BLTP2: variants seen among roughly 807,000 people sequenced by gnomAD.
The protein encoded by BLTP2 is U937-associated antigen.
the BLTP2 span, chr17:28,642,178 C>T: frequency 6.8e-5 from 107 of 1,568,684 alleles, no homozygotes; most frequent in Non-Finnish European, 9.1e-5. Context: ...TTGAGGGAAC[C>T]CCCTAAGGTC....
At chr17:28,638,282 C>T in the BLTP2 span, 1 of 1,612,934 alleles carries the variant, frequency 6.2e-7, no homozygotes, top group Non-Finnish European at 8.5e-7. Context: ...GAACAAGTGC[C>T]TCACCCCAAA....
chr17:28,631,835 G>A, the BLTP2 span: 4 of 1,613,916 alleles, frequency 2.5e-6, no homozygotes, highest in Admixed American at 1.7e-5. Context: ...GGTATAAGCC[G>A]CTGAGTCCCC....
chr17:28,639,288 A>G, the BLTP2 span: 11 of 1,613,020 alleles, frequency 6.8e-6, no homozygotes, highest in Non-Finnish European at 9.3e-6. Context: ...AACTGACAAG[A>G]AGGTGGCTGA....
the BLTP2 span, chr17:28,640,698 G>T: frequency 6.2e-7 from 1 of 1,613,224 alleles, no homozygotes; most frequent in South Asian, 1.1e-5. Flanking sequence ...AAATATGAAT[G>T]AATAACGTAA....
At chr17:28,640,502 T>A in the BLTP2 span, 1 of 1,588,616 alleles carries the variant, frequency 6.3e-7, no homozygotes, top group South Asian at 1.1e-5. Flanking sequence ...GTTACAGAGA[T>A]ACCAACATAC....
chr17:28,631,776 A>G, the BLTP2 span: 5 of 1,606,470 alleles, frequency 3.1e-6, no homozygotes, highest in Middle Eastern at 1.7e-4. Context: ...GAAGGGAAAA[A>G]CAAGGAACAG....
the BLTP2 span, chr17:28,619,890 C>G: frequency 1.2e-6 from 2 of 1,614,014 alleles, no homozygotes; most frequent in South Asian, 2.2e-5. Context: ...GCTTCTCCAG[C>G]TGTCGTATTT....
At chr17:28,622,121 A>G in the BLTP2 span, among the ~76,000 whole-genome samples, 1 of 152,156 alleles carries the variant, frequency 6.6e-6, no homozygotes, top group Non-Finnish European at 1.5e-5. Context: ...TTCACCCACA[A>G]AAGAAGGCAT....
the BLTP2 span, among the ~76,000 whole-genome samples, chr17:28,627,097 T>C: frequency 6.6e-6 from 1 of 152,168 alleles, no homozygotes; most frequent in African/African-American, 2.4e-5. Context: ...GCAGAATTAA[T>C]TGCTTGCTTA....
the BLTP2 span, chr17:28,639,894 C>A: frequency 1.2e-6 from 2 of 1,614,110 alleles, no homozygotes; most frequent in African/African-American, 2.7e-5. Flanking sequence ...TACCCCGACC[C>A]ATGAACCTTC....
the BLTP2 span, among the ~76,000 whole-genome samples, chr17:28,643,890 A>T: frequency 1.3e-5 from 2 of 152,248 alleles, no homozygotes; most frequent in Non-Finnish European, 2.9e-5. Flanking sequence ...TAACTGAACA[A>T]CTTGCAGCGT....
chr17:28,639,445 G>A, the BLTP2 span: 5 of 1,612,124 alleles, frequency 3.1e-6, 1 homozygote, highest in East Asian at 6.7e-5. Flanking sequence ...GAGGCTGAGA[G>A]GTCAATGGTG....
At chr17:28,633,319 T>G in the BLTP2 span, 12 of 1,613,910 alleles carry the variant, frequency 7.4e-6, no homozygotes, top group Admixed American at 1.5e-4. Context: ...CAAGTCACCC[T>G]TGAACACAAA....
At chr17:28,644,955 C>T in the BLTP2 span, 2 of 1,549,618 alleles carry the variant, frequency 1.3e-6, no homozygotes, top group Admixed American at 1.9e-5. Context: ...CTCCCGCCGC[C>T]GCCGCCGCCG....
At chr17:28,628,175 C>A in the BLTP2 span, 217 of 1,101,272 alleles carry the variant, frequency 2.0e-4, no homozygotes, top group Non-Finnish European at 2.7e-4. Context: ...TAGATAGAAG[C>A]ACCATGACTC....
At chr17:28,632,055 C>G in the BLTP2 span, 2 of 1,612,208 alleles carry the variant, frequency 1.2e-6, no homozygotes. Flanking sequence ...TTACCTGCAG[C>G]TGGGGAAAGA....
chr17:28,625,377 GA>G, the BLTP2 span, among the ~76,000 whole-genome samples: 2 of 117,410 alleles, frequency 1.7e-5, no homozygotes, highest in Non-Finnish European at 3.7e-5. Flanking sequence ...AAAAGAAAAA[GA>G]AAAAAGAAAA....
At chr17:28,637,407 GAACTA>G in the BLTP2 span, among the ~76,000 whole-genome samples, 3 of 152,114 alleles carry the variant, frequency 2.0e-5, no homozygotes, top group Non-Finnish European at 4.4e-5. Context: ...TTACTCTCTA[GAACTA>G]AACACACAAG....
At chr17:28,634,678 C>T in the BLTP2 span, 8 of 1,614,152 alleles carry the variant, frequency 5.0e-6, no homozygotes, top group Non-Finnish European at 6.8e-6. Flanking sequence ...CAGTTCTAGC[C>T]CTGCTAAGCT....
Sources: gnomAD v4.1 joint callset for allele counts (sites outside exome capture counted in the v4.1 genomes callset) on GRCh38, gnomAD v4.1.1 for gene constraint, MANE v1.5 for transcripts, NCBI Gene and HGNC (gene_info 2026-07-23, HGNC 2026-07-21) for gene names.